Variants in CSMD3 observed in about 807,000 individuals in gnomAD.
CSMD3 encodes the protein CUB and Sushi multiple domains 3.
In CSMD3, 177 loss-of-function variants were observed where a neutral mutation model predicts 435.2. That is an observed-to-expected ratio of 0.41 (90% CI 0.36 to 0.46). CSMD3 has a LOEUF of 0.46. Ranked by LOEUF, CSMD3 falls within the 20% of genes least tolerant of loss-of-function variation. The pLI is 0.34. For synonymous variants in CSMD3, 1,656 were observed against 1,520.5 expected, an observed-to-expected ratio of 1.09 and a Z score of -2.07; for missense variants, 4,265 against 4,504.6, an observed-to-expected ratio of 0.95 and a Z score of 1.52.
At position 112,224,705 on chromosome 8, in the gene CSMD3, T is replaced by C. The variant is rs1231436822; in HGVS notation, c.*66A>G. 6.6e-7 allele frequency: 1 copy of C among 1,522,978 alleles called. No individual in the cohort carries two copies. Among genetic ancestry groups the C allele is most frequent in the Non-Finnish European group, 9.1e-7 (1 of 1,097,086 alleles). The allele number at this position is 1,522,978 out of a possible 1,614,324, so 94.3% of individuals were successfully genotyped here. A position where few individuals can be genotyped will look rare whatever the true frequency, so the allele number is the denominator to read the frequency against. On this transcript the variant is annotated 3_prime_UTR_variant, in exon 71 of 71. Coordinates refer to ENST00000297405, the MANE Select transcript of CSMD3 (RefSeq NM_198123.2). The stretch of plus-strand genomic sequence containing the variant: ...AAGTGTGCTTTAATTTGTTTAGCAG[T>C]GAACTAAATGTGCACTGTTTTGTGT...
intron 4 of CSMD3, among the ~76,000 whole-genome samples, chr8:113,122,496 A>C (rs2091012865): frequency 6.6e-6 from 1 of 152,142 alleles, no homozygotes; most frequent in Admixed American, 6.6e-5. Flanking sequence ...ATTAAAATCC[A>C]ATTAAGGCTA....
Position 112,228,745 on chromosome 8 carries a change from A to C in CSMD3, c.10964+11T>G, listed in dbSNP as rs1455145150. Reference sequence around the variant, plus strand: ...GGGAAACATTTTGTAGTTAAAAATCAATGAGCTTACCTTTGTTTATAAAGA... The same window carrying C: ...GGGAAACATTTTGTAGTTAAAAATCCATGAGCTTACCTTTGTTTATAAAGA... On this transcript the variant is annotated intron_variant, in intron 70 of 70. Transcript: ENST00000297405. 7.5e-6 allele frequency: 12 copies of C among 1,596,758 alleles called. 1 individual carries two copies. In the South Asian group the frequency reaches 1.3e-4, roughly 18 times the overall value.
chr8:113,005,247 C>T (rs2131092884), intron 6 of CSMD3, among the ~76,000 whole-genome samples: 1 of 151,866 alleles, frequency 6.6e-6, no homozygotes, highest in South Asian at 2.1e-4. Context: ...ACACAATCAA[C>T]CAATAACAAT....
intron 3 of CSMD3, among the ~76,000 whole-genome samples, chr8:113,248,937 T>C (rs974192276): frequency 3.9e-5 from 6 of 151,998 alleles, no homozygotes; most frequent in African/African-American, 1.4e-4. Context: ...TCATATGATA[T>C]ATTAAGTCAT....
Position 112,573,616 on chromosome 8 carries a change from A to C in CSMD3, c.3927T>G (p.Ala1309=), listed in dbSNP as rs1412675743. ...GKDKTTHLLG[A]FTGASMRGLT... ...GTCCGCGCATAGATGCACCAGTAAA[A>C]GCACCTAGTAGATGAGTCGTTTTAT... Residue 1309 remains alanine (A), a synonymous_variant, in exon 24 of 71, where the codon GCT becomes GCG. Coordinates refer to ENST00000297405, the MANE Select transcript of CSMD3 (RefSeq NM_198123.2). The C allele has an allele frequency of 1.9e-6, 3 of 1,612,984 alleles. No individual in the cohort carries two copies. The highest frequency in any genetic ancestry group is 2.5e-6 in the Non-Finnish European group (3 of 1,179,090).
In CSMD3 at chr8:113,408,569, G is replaced by A. The variant is rs535616262; in HGVS notation, c.178+28108C>T. The stretch of plus-strand genomic sequence containing the variant: ...TGTCTGATCTAAAAAGAAAATAAAG[G>A]TATTGACTAAGATATAAATAATAAA... On this transcript the variant is annotated intron_variant, in intron 1 of 70. Coordinates refer to ENST00000297405, the MANE Select transcript of CSMD3 (RefSeq NM_198123.2). Among the ~76,000 whole-genome samples, 3 of 151,908 alleles carry A rather than the reference G, an allele frequency of 2.0e-5. 1 individual carries two copies. In the South Asian group the frequency reaches 6.2e-4, roughly 32 times the overall value.
chr8:112,895,650 G>A (rs1430773898), intron 10 of CSMD3, among the ~76,000 whole-genome samples: 2 of 151,294 alleles, frequency 1.3e-5, no homozygotes, highest in African/African-American at 4.8e-5. Context: ...CCAAGAGACT[G>A]AACAGAAAAG....
At chr8:112,745,130 T>C (rs1479403964) in intron 13 of CSMD3, among the ~76,000 whole-genome samples, 2 of 152,062 alleles carry the variant, frequency 1.3e-5, no homozygotes, top group African/African-American at 4.8e-5. Flanking sequence ...TGGTACAATT[T>C]GATAGTACCC....
intron 13 of CSMD3, among the ~76,000 whole-genome samples, chr8:112,748,394 A>T (rs1204457566): frequency 6.6e-6 from 1 of 152,136 alleles, no homozygotes; most frequent in African/African-American, 2.4e-5. Flanking sequence ...TGTTACATAG[A>T]TAAACAGGTG....
chr8:112,638,898 G>A lies in CSMD3; in HGVS notation c.3324C>T (p.Asn1108=), dbSNP rs746236809. 9 of 1,609,816 alleles carry A rather than the reference G, an allele frequency of 5.6e-6. No individual in the cohort carries two copies. Among genetic ancestry groups the A allele is most frequent in the Non-Finnish European group, 7.7e-6 (9 of 1,176,436 alleles). ...GGTCTTCCAAATGAAAAGTGTGGAA[G>A]TTGAACTGCACACCTATTAAGAAAA... is the stretch of plus-strand genomic sequence containing the variant. ...DVTHGKGVQF[N]FHTFHLEDHH... The change falls in exon 21 of 71, where the codon AAC becomes AAT. Residue 1108 remains asparagine, a synonymous_variant. Coordinates refer to ENST00000297405, the MANE Select transcript of CSMD3 (RefSeq NM_198123.2).
At chr8:113,149,301 G>C (rs1240814425) in intron 4 of CSMD3, among the ~76,000 whole-genome samples, 1 of 151,678 alleles carries the variant, frequency 6.6e-6, no homozygotes, top group Non-Finnish European at 1.5e-5. Context: ...TCCTAACATA[G>C]GACATGTGAT....
At chr8:113,282,399 A>G (rs2093619319) in intron 2 of CSMD3, among the ~76,000 whole-genome samples, 1 of 152,048 alleles carries the variant, frequency 6.6e-6, no homozygotes, top group Admixed American at 6.6e-5. Context: ...AAGATCCAAG[A>G]TTAATGTACA....
At chr8:113,181,078 A>C (rs544752624) in intron 3 of CSMD3, among the ~76,000 whole-genome samples, 9 of 151,936 alleles carry the variant, frequency 5.9e-5, no homozygotes, top group Non-Finnish European at 1.2e-4. Context: ...GGGAACCCAA[A>C]TAAATTACTG....
intron 35 of CSMD3, among the ~76,000 whole-genome samples, chr8:112,392,605 A>C (rs574167218): frequency 1.3e-5 from 2 of 151,848 alleles, no homozygotes; most frequent in South Asian, 4.1e-4. Flanking sequence ...TGAAAAAAAA[A>C]TACTTTATAG....
chr8:113,113,229 G>T (rs1360278696), intron 4 of CSMD3, among the ~76,000 whole-genome samples: 1 of 152,144 alleles, frequency 6.6e-6, no homozygotes, highest in Admixed American at 6.5e-5. Context: ...ATACAGGGAT[G>T]CATGCTATGT....
At chr8:112,762,512 T>C (rs923302612) in intron 13 of CSMD3, among the ~76,000 whole-genome samples, 2 of 151,946 alleles carry the variant, frequency 1.3e-5, no homozygotes, top group Non-Finnish European at 2.9e-5. Context: ...CCAGATTCTC[T>C]GTTGTTTTAT....
chr8:112,383,636 G>A lies in CSMD3; in HGVS notation c.5962C>T (p.His1988Tyr). 1.0e-5 allele frequency: 16 copies of A among 1,607,952 alleles called. No individual in the cohort carries two copies. The highest frequency in any genetic ancestry group is 1.4e-5 in the Non-Finnish European group (16 of 1,174,618). Residue 1988 changes from histidine (H) to tyrosine (Y), a missense_variant, in exon 37 of 71, where the codon CAT (histidine) becomes TAT (tyrosine). Around this residue, in one of 3 missense-constraint regions of CSMD3, gnomAD observed 3,255 missense variants for 3,380.2 expected, o/e 0.96. Coordinates refer to ENST00000297405, the MANE Select transcript of CSMD3 (RefSeq NM_198123.2). ...TAAAAGTCCAGAGAATCCCAATTAT[G>A]TTCTGTAGCAAAGCTAACAACTTGC... Reference protein sequence around the residue: ...QVQVVSFATEHNWDSLDFYDG... With the variant: ...QVQVVSFATEYNWDSLDFYDG...
At chr8:113,129,711 A>C (rs1226434163) in intron 4 of CSMD3, among the ~76,000 whole-genome samples, 1 of 152,120 alleles carries the variant, frequency 6.6e-6, no homozygotes, top group Non-Finnish European at 1.5e-5. Flanking sequence ...ATTCATAGAG[A>C]AGTATACACA....
Position 113,019,104 on chromosome 8 carries a change from G to A in CSMD3, c.993C>T (p.Ser331=), listed in dbSNP as rs373830366. Residue 331 remains serine, a synonymous_variant, in exon 6 of 71, where the codon AGC becomes AGT. Transcript: ENST00000297405. Reference sequence around the variant, plus strand: ...CACTAAATCCACGGTATCGATGATTGCTGTCTGTAACAAAATGCAGTCTGA... The same window carrying A: ...CACTAAATCCACGGTATCGATGATTACTGTCTGTAACAAAATGCAGTCTGA... ...NWLRLHFVTD[S]NHRYRGFSAP... is the part of the protein sequence containing the mutation. 5.6e-6 allele frequency: 9 copies of A among 1,613,044 alleles called. No homozygotes were observed. Among genetic ancestry groups the A allele is most frequent in the Non-Finnish European group, 7.6e-6 (9 of 1,179,220 alleles).
Sources: gnomAD v4.1 joint callset for allele counts (sites outside exome capture counted in the v4.1 genomes callset) on GRCh38, gnomAD v4.1.1 for gene constraint, gnomAD v4.1.1 regional missense constraint, MANE v1.5 for transcripts, NCBI Gene and HGNC (gene_info 2026-07-23, HGNC 2026-07-21) for gene names.